Variants in MROH6 observed in about 807,000 individuals in gnomAD.
The protein encoded by MROH6 is maestro heat like repeat family member 6, also known as maestro heat-like repeat-containing protein family member 6.
Under a neutral mutation model 67.7 loss-of-function variants are expected in MROH6, and 62 were observed. The observed-to-expected ratio is 0.92, with a 90% CI of 0.75 to 1.13. The LOEUF (loss-of-function observed/expected upper bound fraction) is 1.13, where lower values mean the gene tolerates loss of function less well. MROH6 is among the 50% of genes most tolerant of loss of function. The probability of loss-of-function intolerance (pLI) is 0.00; values close to 1 mark genes in which losing one functional copy is unlikely to be tolerated. For missense variants in MROH6, 1,175 were observed against 1,029.1 expected, an observed-to-expected ratio of 1.14 and a Z score of -1.94; for synonymous variants, 566 against 470.8, an observed-to-expected ratio of 1.20 and a Z score of -2.62.
rs777563564 is a variant in MROH6 at position 143,569,684 on chromosome 8, C to T, written c.1302+13G>A. ...GGGCCAAGCCCCTCTCCACCCCTCCCCTTCTCTCACACCTTCCTGCGATTC... is the reference window on the plus strand; with the variant it reads ...GGGCCAAGCCCCTCTCCACCCCTCCTCTTCTCTCACACCTTCCTGCGATTC... On this transcript the variant is annotated intron_variant, in intron 8 of 13. Coordinates refer to ENST00000398882, the MANE Select transcript of MROH6 (RefSeq NM_001100878.2). The T allele has an allele frequency of 3.7e-6, 6 of 1,611,676 alleles. No individual in the cohort carries two copies. Among genetic ancestry groups the T allele is most frequent in the East Asian group, 2.2e-5 (1 of 44,824 alleles).
chr8:143,568,171 C>T lies in MROH6; in HGVS notation c.1735G>A (p.Glu579Lys), dbSNP rs755747487. The T allele has an allele frequency of 1.2e-6, 2 of 1,609,930 alleles. No individual in the cohort carries two copies. Among genetic ancestry groups the T allele is most frequent in the Non-Finnish European group, 8.5e-7 (1 of 1,178,734 alleles). Residue 579 changes from glutamate to lysine, a missense_variant, in exon 11 of 14, where the codon GAG (glutamate) becomes AAG (lysine). Physicochemically the swap from Glu to Lys is moderately conservative, Grantham distance 56. Transcript: ENST00000398882. ...CGGCAGCAGAGGTGGCTCAGGGCCT[C>T]GGGGCTGTCATAGTGGGCCACGGTG... Reference protein sequence around the residue: ...LVTVAHYDSPEALSHLCCRLV... With the variant: ...LVTVAHYDSPKALSHLCCRLV...
Position 143,567,404 on chromosome 8 carries a change from AGCGGACACGTGCGCTGCC to A in MROH6, c.1977_1994del (p.Ala660_Ala665del). ...CACGGGCCAGCATCGCCACCTGCTG[AGCGGACACGTGCGCTGCC>A]GCGGCCACAGCCGGCTTGGGGTCGC... On this transcript the variant is annotated inframe_deletion, in exon 14 of 14. Coordinates refer to ENST00000398882, the MANE Select transcript of MROH6 (RefSeq NM_001100878.2). The A allele has an allele frequency of 7.8e-7, 1 of 1,287,130 alleles. No homozygotes were observed. The highest frequency in any genetic ancestry group is 9.8e-7 in the Non-Finnish European group (1 of 1,016,880). 79.7% of individuals were successfully genotyped at this position (1,287,130 alleles called of 1,614,324 possible).
intron 9 of MROH6, 152 bp from the exon 10 acceptor site, chr8:143,568,871 A>G (rs1823802462): frequency 1.7e-6 from 1 of 588,364 alleles, no homozygotes; most frequent in Admixed American, 3.6e-5. Flanking sequence ...CTGGAGCTGG[A>G]CCTGGTTGGG....
Position 143,566,355 on chromosome 8 carries a change from A to T in MROH6, c.*884T>A, listed in dbSNP as rs557023943. 1 of 152,354 alleles carries T rather than the reference A, an allele frequency of 6.6e-6. No homozygotes were observed. The highest frequency in any genetic ancestry group is 2.1e-4 in the South Asian group (1 of 4,826). The allele number at this position is 152,354 out of a possible 1,614,324, so 9.4% of individuals were successfully genotyped here. On this transcript the variant is annotated 3_prime_UTR_variant, in exon 14 of 14. Transcript: ENST00000398882. ...CTGTGCACTCGCAGAGGCTTCTCTG[A>T]GGAGGAGGCTGTGAAGGAGGCCACG...
Position 143,570,591 on chromosome 8 carries a change from G to T in MROH6, c.787C>A (p.Pro263Thr). 1 of 1,605,346 alleles carries T rather than the reference G, an allele frequency of 6.2e-7. No homozygotes were observed. The change falls in exon 5 of 14, where the codon CCA becomes ACA. Residue 263 changes from proline to threonine, a missense_variant. Physicochemically the swap from Pro to Thr is conservative, Grantham distance 38. Coordinates refer to ENST00000398882, the MANE Select transcript of MROH6 (RefSeq NM_001100878.2). ...GCVGATRGFY[P>T]HLLLALVTQL... is the part of the protein sequence containing the mutation. ...GTGACCAGCGCAAGCAGCAGATGTG[G>T]GTAGAAGCCCCTCGTGGCTCCCACG...
chr8:143,570,841 C>T (rs11777527), intron 4 of MROH6, 36 bp downstream of exon 4: 575,572 of 899,618 alleles, frequency 0.64, 187,976 homozygotes, highest in Non-Finnish European at 0.67. Flanking sequence ...CCCCCACCCC[C>T]GCCCCCACCC....
At position 143,568,602 on chromosome 8, in the gene MROH6, G is replaced by T; in HGVS notation, c.1594C>A (p.Leu532Ile). The T allele has an allele frequency of 1.3e-6, 2 of 1,547,006 alleles. No individual in the cohort carries two copies. Among genetic ancestry groups the T allele is most frequent in the African/African-American group, 2.7e-5 (2 of 73,712 alleles). The stretch of plus-strand genomic sequence containing the variant: ...TGCAGGCGCAGCAGCAGCGGCACGA[G>T]ACTCTGCAGCACCAGCTTCCGCAGG... ...GPLRKLVLQS[L>I]VPLLLRLHDP... is the part of the protein sequence containing the mutation. Residue 532 changes from leucine to isoleucine, a missense_variant, in exon 10 of 14, where the codon CTC becomes ATC. Coordinates refer to ENST00000398882, the MANE Select transcript of MROH6 (RefSeq NM_001100878.2).
intron 12 of MROH6, 39 bp from the exon 13 acceptor site, chr8:143,567,715 CCCCCAGGGGGAGGCTGGCCCAGCT>C (rs1320785177): frequency 1.3e-6 from 2 of 1,573,580 alleles, no homozygotes; most frequent in South Asian, 2.3e-5. Flanking sequence ...GCCCCACAGC[CCCCCAGGGGGAGGCTGGCCCAGCT>C]CCCAAAGCCC....
Position 143,570,644 on chromosome 8 carries a change from A to G in MROH6, c.734T>C (p.Leu245Pro), listed in dbSNP as rs1823970277. The G allele has an allele frequency of 6.3e-7, 1 of 1,597,094 alleles. No individual in the cohort carries two copies. ...GCCCGAAACAGCCAGCATCTCCCCA[A>G]GAGCACGTGTGGCCTGTGGAGCAAG... ...EPQALAATRALGEMLAVSGCV... is the reference protein window; with the variant it reads ...EPQALAATRAPGEMLAVSGCV... Residue 245 changes from leucine to proline, a missense_variant, in exon 5 of 14, where the codon CTT (leucine) becomes CCT (proline). Transcript: ENST00000398882.
At chr8:143,571,916 G>A (rs975347060) in intron 2 of MROH6, 95 bp from the exon 3 acceptor site, 15 of 827,496 alleles carry the variant, frequency 1.8e-5, no homozygotes, top group African/African-American at 8.7e-5. Context: ...CCCTGATCCC[G>A]CCTGGCAGGA....
In MROH6 at chr8:143,572,581, G is replaced by A. The variant is rs1587031417; in HGVS notation, c.134C>T (p.Pro45Leu). The A allele has an allele frequency of 6.2e-7, 1 of 1,604,456 alleles. No individual in the cohort carries two copies. Among genetic ancestry groups the A allele is most frequent in the Non-Finnish European group, 8.5e-7 (1 of 1,177,152 alleles). ...PQGPPSAGPQ[P>L]KSWEVKPEAE... ...CTCAGGTTTGACCTCCCAGGACTTG[G>A]GCTGAGGGCCTGCGGAAGGGGGTCC... The change falls in exon 1 of 14, where the codon CCC becomes CTC. Residue 45 changes from proline to leucine, a missense_variant. Transcript: ENST00000398882.
chr8:143,569,555 C>G lies in MROH6; in HGVS notation c.1362G>C (p.Ala454=). 1 of 1,539,076 alleles carries G rather than the reference C, an allele frequency of 6.5e-7. No homozygotes were observed. Among genetic ancestry groups the G allele is most frequent in the Non-Finnish European group, 8.7e-7 (1 of 1,149,074 alleles). Residue 454 remains alanine (A), a synonymous_variant, in exon 9 of 14, where the codon GCG becomes GCC. Coordinates refer to ENST00000398882, the MANE Select transcript of MROH6 (RefSeq NM_001100878.2). The part of the protein sequence containing the change: ...ALLGALGEGD[A]RLVGAALGAL... ...CGCCCAGCGCTGCACCCACGAGCCGCGCGTCGCCTTCGCCCAGTGCGCCCA... is the reference window on the plus strand; with the variant it reads ...CGCCCAGCGCTGCACCCACGAGCCGGGCGTCGCCTTCGCCCAGTGCGCCCA...
rs1823672109 is a variant in MROH6, at chr8:143,567,358, GC to G, written c.2040del (p.Arg682AlafsTer137). On this transcript the variant is annotated frameshift_variant, in exon 14 of 14. Coordinates refer to ENST00000398882, the MANE Select transcript of MROH6 (RefSeq NM_001100878.2). LOFTEE classifies it low-confidence loss of function (END_TRUNC). ...MLARARGCPR[G>X]PRLLRIAPRP... ...CGCGGGGCGATGCGGAGAAGGCGGGGCCCGCGGGGGCAGCCCCGGGCACGGG... is the reference window on the plus strand; with the variant it reads ...CGCGGGGCGATGCGGAGAAGGCGGGGCCGCGGGGGCAGCCCCGGGCACGGG... 1 of 1,221,748 alleles carries G rather than the reference GC, an allele frequency of 8.2e-7. No homozygotes were observed. Among genetic ancestry groups the G allele is most frequent in the African/African-American group, 1.6e-5 (1 of 63,482 alleles). The allele number at this position is 1,221,748 out of a possible 1,614,324, so 75.7% of individuals were successfully genotyped here. A position where few individuals can be genotyped will look rare whatever the true frequency, so the allele number is the denominator to read the frequency against.
At position 143,566,838 on chromosome 8, in the gene MROH6, A is replaced by C; in HGVS notation, c.*401T>G. 6.1e-6 allele frequency: 1 copy of C among 163,020 alleles called. No individual in the cohort carries two copies. Among genetic ancestry groups the C allele is most frequent in the African/African-American group, 2.4e-5 (1 of 41,982 alleles). The allele number at this position is 163,020 out of a possible 1,614,324, so 10.1% of individuals were successfully genotyped here. ...GGATGAGGATCGGGGGTGCAGCTGC[A>C]GGGCTGGCCAAGGCCCGGACAGGCC... On this transcript the variant is annotated 3_prime_UTR_variant, in exon 14 of 14. Transcript: ENST00000398882.
rs541151034 is a variant in MROH6 at position 143,570,985 on chromosome 8, G to T, written c.612C>A (p.Ala204=). The change falls in exon 4 of 14, where the codon GCC becomes GCA. Residue 204 remains alanine, a synonymous_variant. Coordinates refer to ENST00000398882, the MANE Select transcript of MROH6 (RefSeq NM_001100878.2). ...PRSLPADRVA[A]ELWRSLSRNQ... Reference sequence around the variant, plus strand: ...TACGGCTTAGGCTGCGCCAGAGCTCGGCTGCTACCCTGAGGGTTTGGAGGG... The same window carrying T: ...TACGGCTTAGGCTGCGCCAGAGCTCTGCTGCTACCCTGAGGGTTTGGAGGG... 1.3e-6 allele frequency: 2 copies of T among 1,548,726 alleles called. No homozygotes were observed. Among genetic ancestry groups the T allele is most frequent in the Non-Finnish European group, 1.7e-6 (2 of 1,146,892 alleles).
At chr8:143,570,825 C>T (rs926331440) in intron 4 of MROH6, 52 bp downstream of exon 4, 158 of 1,179,366 alleles carry the variant, frequency 1.3e-4, no homozygotes, top group Middle Eastern at 2.9e-4. Context: ...CCCCGCTCCT[C>T]GCCACCCCCC....
In MROH6 at chr8:143,569,530, C is replaced by A. The variant is rs761282800; in HGVS notation, c.1387G>T (p.Ala463Ser). 165 of 1,507,448 alleles carry A rather than the reference C, an allele frequency of 1.1e-4. 1 individual carries two copies. The highest frequency in any genetic ancestry group is 4.3e-4 in the Admixed American group (20 of 46,574). 93.4% of individuals were successfully genotyped at this position (1,507,448 alleles called of 1,614,324 possible). The change falls in exon 9 of 14, where the codon GCC becomes TCC. Residue 463 changes from alanine to serine, a missense_variant. Coordinates refer to ENST00000398882, the MANE Select transcript of MROH6 (RefSeq NM_001100878.2). ...GGCCGCAGCAGGAGCCTCCTCAGGG[C>A]GCCCAGCGCTGCACCCACGAGCCGC... ...DARLVGAALG[A>S]LRRLLLRPRA...
chr8:143,570,007 G>T lies in MROH6; in HGVS notation c.1102C>A (p.Arg368=). Residue 368 remains arginine, a synonymous_variant, in exon 7 of 14, where the codon CGG becomes AGG. Coordinates refer to ENST00000398882, the MANE Select transcript of MROH6 (RefSeq NM_001100878.2). ...LRGLFADLLP[R]LRSADDPQRL... is the part of the protein sequence containing the mutation. Reference sequence around the variant, plus strand: ...TGCGGGTCGTCCGCGCTGCGAAGCCGAGGGAGCAAGTCTGCGAAGAGGCCT... The same window carrying T: ...TGCGGGTCGTCCGCGCTGCGAAGCCTAGGGAGCAAGTCTGCGAAGAGGCCT... 1 of 1,609,876 alleles carries T rather than the reference G, an allele frequency of 6.2e-7. No individual in the cohort carries two copies. The highest frequency in any genetic ancestry group is 8.5e-7 in the Non-Finnish European group (1 of 1,179,828).
rs746316701 is a variant in MROH6, at chr8:143,570,566, G to A, written c.812C>T (p.Thr271Ile). 9 of 1,608,846 alleles carry A rather than the reference G, an allele frequency of 5.6e-6. 1 individual carries two copies. The South Asian group carries it at 8.8e-5, about 16-fold the overall frequency. The change falls in exon 5 of 14, where the codon ACA (threonine) becomes ATA (isoleucine). Residue 271 changes from threonine to isoleucine, a missense_variant. Physicochemically the swap from Thr to Ile is moderately conservative, Grantham distance 89 (BLOSUM62 -1). Transcript: ENST00000398882. ...GCTGCGGGCCAGCTTGTGCAGCTGT[G>A]TGACCAGCGCAAGCAGCAGATGTGG... ...FYPHLLLALV[T>I]QLHKLARSPC...
Sources: gnomAD v4.1 joint callset for allele counts on GRCh38, gnomAD v4.1.1 for gene constraint, MANE v1.5 for transcripts, NCBI Gene and HGNC (gene_info 2026-07-23, HGNC 2026-07-21) for gene names.